ARID4B: variants seen among roughly 807,000 people sequenced by gnomAD.
The protein encoded by ARID4B is AT-rich interaction domain 4B.
ARID4B carries 26 observed loss-of-function variants against 147.5 expected under a neutral mutation model. The observed-to-expected ratio is 0.18, with a 90% confidence interval of 0.13 to 0.24. ARID4B has a LOEUF of 0.24. Among genes scored for constraint, ARID4B ranks in the 10% least tolerant of loss-of-function variants. The pLI is 1.00. For missense variants in ARID4B, 1,179 were observed against 1,511.5 expected (o/e 0.78, Z 3.65); for synonymous variants, 512 against 507.9 (o/e 1.01, Z -0.11).
intron 18 of ARID4B, 80 bp downstream of exon 18, chr1:235,195,951 C>G: frequency 1.2e-6 from 1 of 831,314 alleles, no homozygotes; most frequent in Non-Finnish European, 2.0e-6. Flanking sequence ...AAGTGTAACA[C>G]TAACACATAT....
chr1:235,289,626 A>C (rs561419060), intron 2 of ARID4B, among the ~76,000 whole-genome samples: 69 of 150,546 alleles, frequency 4.6e-4, no homozygotes, highest in African/African-American at 1.5e-3. Context: ...CAGGAGGTTG[A>C]GGTGGGAGGA....
chr1:235,240,546 T>C, intron 7 of ARID4B, 95 bp from the exon 8 acceptor site: 1 of 1,170,246 alleles, frequency 8.5e-7, no homozygotes, highest in Non-Finnish European at 1.2e-6. Context: ...CTTATTACAT[T>C]TCCTAAGACC....
intron 3 of ARID4B, among the ~76,000 whole-genome samples, chr1:235,257,741 A>G (rs575228138): frequency 4.6e-5 from 7 of 152,320 alleles, no homozygotes; most frequent in Admixed American, 3.3e-4. Flanking sequence ...TTGACCTACC[A>G]GAGTGCTGGG....
In ARID4B at chr1:235,168,585, AGTT is replaced by A. The variant is rs1248075581; in HGVS notation, c.3876_3878del (p.Leu1292_Thr1293delinsPhe). The A allele has an allele frequency of 6.2e-6, 10 of 1,614,036 alleles. No homozygotes were observed. Among genetic ancestry groups the A allele is most frequent in the Non-Finnish European group, 8.5e-6 (10 of 1,180,006 alleles). Reference sequence around the variant, plus strand: ...CGCTGGACATTGACGGTTCAGCTAAAGTTAACATAACAGCAGCTGTTATGGAAC... The same window carrying A: ...CGCTGGACATTGACGGTTCAGCTAAAAACATAACAGCAGCTGTTATGGAAC... On this transcript the variant is annotated inframe_deletion, in exon 24 of 24. Coordinates refer to ENST00000264183, the MANE Select transcript of ARID4B (RefSeq NM_016374.6).
intron 2 of ARID4B, among the ~76,000 whole-genome samples, chr1:235,304,815 G>T (rs768236300): frequency 4.1e-4 from 62 of 152,292 alleles, no homozygotes; most frequent in Admixed American, 6.5e-4. Flanking sequence ...TTCTATGCAT[G>T]GCCTGTCTGT....
intron 8 of ARID4B, among the ~76,000 whole-genome samples, chr1:235,235,976 T>C (rs1668527178): frequency 6.6e-6 from 1 of 151,424 alleles, no homozygotes; most frequent in Admixed American, 6.6e-5. Context: ...GGTCTCACTC[T>C]GTGCAGTGGC....
At chr1:235,324,852 A>G (rs1295016730) in intron 2 of ARID4B, among the ~76,000 whole-genome samples, 2 of 152,210 alleles carry the variant, frequency 1.3e-5, no homozygotes, top group African/African-American at 2.4e-5. Context: ...ATTTGAGCCC[A>G]GGAGGCAGCA....
At chr1:235,247,760 A>C (rs1669391685) in intron 6 of ARID4B, among the ~76,000 whole-genome samples, 1 of 152,104 alleles carries the variant, frequency 6.6e-6, no homozygotes, top group Non-Finnish European at 1.5e-5. Context: ...AGGCCGAGGC[A>C]GGTGGAATAC....
At chr1:235,270,463 C>CA (rs144980678) in intron 2 of ARID4B, among the ~76,000 whole-genome samples, 72,727 of 152,042 alleles carry the variant, frequency 0.48, 17,747 homozygotes, top group South Asian at 0.6. Flanking sequence ...GAGACAAAAC[C>CA]TAAGCTACTT....
intron 11 of ARID4B, among the ~76,000 whole-genome samples, chr1:235,227,325 GT>G (rs900319489): frequency 6.6e-6 from 1 of 152,138 alleles, no homozygotes; most frequent in African/African-American, 2.4e-5. Flanking sequence ...TACTCAGGAG[GT>G]TTTTAGCAGC....
At chr1:235,193,527 G>T (rs573383370) in intron 19 of ARID4B, among the ~76,000 whole-genome samples, 1 of 152,268 alleles carries the variant, frequency 6.6e-6, no homozygotes, top group South Asian at 2.1e-4. Flanking sequence ...CAACAGAAAG[G>T]ATGGCACAGA....
At chr1:235,308,757 G>A (rs576081934) in intron 2 of ARID4B, among the ~76,000 whole-genome samples, 2 of 152,306 alleles carry the variant, frequency 1.3e-5, no homozygotes, top group Admixed American at 6.5e-5. Context: ...GATTGCAGAC[G>A]GAGTCTGGTT....
At chr1:235,278,117 G>C (rs148940645) in intron 2 of ARID4B, among the ~76,000 whole-genome samples, 3 of 152,032 alleles carry the variant, frequency 2.0e-5, no homozygotes, top group African/African-American at 7.3e-5. Flanking sequence ...CAGGATACTC[G>C]GTCTTGCCTT....
intron 17 of ARID4B, among the ~76,000 whole-genome samples, chr1:235,198,074 T>C (rs537826878): frequency 2.0e-5 from 3 of 152,336 alleles, no homozygotes; most frequent in Non-Finnish European, 4.4e-5. Flanking sequence ...ATATCAACTT[T>C]GTTTTTAAAA....
At chr1:235,283,375 T>C (rs575510772) in intron 2 of ARID4B, among the ~76,000 whole-genome samples, 2 of 152,256 alleles carry the variant, frequency 1.3e-5, no homozygotes, top group African/African-American at 4.8e-5. Flanking sequence ...CAGAAGCTAA[T>C]GTTTAAAATG....
intron 2 of ARID4B, among the ~76,000 whole-genome samples, chr1:235,294,210 T>G (rs1672524953): frequency 2.0e-5 from 3 of 152,038 alleles, no homozygotes; most frequent in African/African-American, 7.2e-5. Flanking sequence ...TAAAAATTAA[T>G]GTAAGCATAA....
At chr1:235,168,773 C>T (rs1663114591) in intron 23 of ARID4B, 121 bp from the exon 24 acceptor site, 1 of 1,019,184 alleles carries the variant, frequency 9.8e-7, no homozygotes, top group African/African-American at 1.6e-5. Context: ...TAGCTTACAA[C>T]AACAGTGGTC....
intron 2 of ARID4B, among the ~76,000 whole-genome samples, chr1:235,302,022 C>T (rs759296308): frequency 6.6e-6 from 1 of 150,512 alleles, no homozygotes; most frequent in Admixed American, 6.6e-5. Flanking sequence ...TTAGTGGAAA[C>T]GGGGTTTCGC....
chr1:235,295,258 C>T (rs964040536), intron 2 of ARID4B, among the ~76,000 whole-genome samples: 5 of 152,104 alleles, frequency 3.3e-5, no homozygotes, highest in African/African-American at 1.2e-4. Context: ...GCCTGTAATC[C>T]CACCACTTTG....
Sources: gnomAD v4.1 joint callset for allele counts (sites outside exome capture counted in the v4.1 genomes callset) on GRCh38, gnomAD v4.1.1 for gene constraint, MANE v1.5 for transcripts, NCBI Gene and HGNC (gene_info 2026-07-23, HGNC 2026-07-21) for gene names.